Variants in FAM50B observed in about 807,000 individuals in gnomAD.
FAM50B encodes the protein protein FAM50B.
A neutral mutation model predicts 25.4 loss-of-function variants in FAM50B; 9 were observed. The observed-to-expected ratio is 0.35, with a 90% CI of 0.21 to 0.62. The LOEUF is 0.62. Among genes scored for constraint, FAM50B ranks in the 20% least tolerant of loss-of-function variants. The pLI is 0.73. For synonymous variants in FAM50B, 212 were observed against 204.3 expected (o/e 1.04, Z -0.32); for missense variants, 372 against 477.9 (o/e 0.78, Z 2.07).
At chr6:3,838,596 C>A in the FAM50B span, among the ~76,000 whole-genome samples, 1 of 152,058 alleles carries the variant, frequency 6.6e-6, no homozygotes, top group African/African-American at 2.4e-5. Context: ...GTAATCCGAG[C>A]ACTTTGGGAG....
rs1762178306 is a variant in FAM50B at position 3,849,876 on chromosome 6, A to G, written c.65A>G (p.Glu22Gly). 1 of 1,613,608 alleles carries G rather than the reference A, an allele frequency of 6.2e-7. No individual in the cohort carries two copies. The highest frequency in any genetic ancestry group is 8.5e-7 in the Non-Finnish European group (1 of 1,180,002). ...GCCATGCACCTCCTCAAGAAGCGCG[A>G]AAGGCAGCGGGAGCAGATGGAGGTG... is the stretch of plus-strand genomic sequence containing the variant. ...GRAMHLLKKR[E>G]RQREQMEVLK... The change falls in exon 2 of 2, where the codon GAA becomes GGA. Residue 22 changes from glutamate to glycine, a missense_variant. By Grantham distance (98) the Glu-to-Gly change is moderately conservative. Around this residue, in one of 4 missense-constraint regions of FAM50B, gnomAD observed 64 missense variants for 118.3 expected, o/e 0.54. Coordinates refer to ENST00000648326, the MANE Select transcript of FAM50B (RefSeq NM_012135.3).
Position 3,849,892 on chromosome 6 carries a change from G to T in FAM50B, c.81G>T (p.Gln27His), listed in dbSNP as rs772466471. The change falls in exon 2 of 2, where the codon CAG (glutamine) becomes CAT (histidine). Residue 27 changes from glutamine to histidine, a missense_variant. Transcript: ENST00000648326. Reference sequence around the variant, plus strand: ...AGAAGCGCGAAAGGCAGCGGGAGCAGATGGAGGTGCTGAAGCAGCGCATCG... The same window carrying T: ...AGAAGCGCGAAAGGCAGCGGGAGCATATGGAGGTGCTGAAGCAGCGCATCG... ...LLKKRERQRE[Q>H]MEVLKQRIAE... The T allele has an allele frequency of 1.9e-6, 3 of 1,613,690 alleles. No individual in the cohort carries two copies. Among genetic ancestry groups the T allele is most frequent in the Non-Finnish European group, 2.5e-6 (3 of 1,180,010 alleles).
the FAM50B span, among the ~76,000 whole-genome samples, chr6:3,834,885 A>T: frequency 2.0e-4 from 31 of 152,346 alleles, no homozygotes; most frequent in African/African-American, 7.0e-4. Flanking sequence ...TAAAATTAAC[A>T]TATGCATTAA....
upstream of FAM50B, among the ~76,000 whole-genome samples, chr6:3,844,738 T>C (rs1010584242): frequency 2.0e-5 from 3 of 151,946 alleles, no homozygotes; most frequent in Non-Finnish European, 2.9e-5. Flanking sequence ...AAAAAAAAAC[T>C]TAAATGGAAA....
Position 3,850,447 on chromosome 6 carries a change from C to T in FAM50B, c.636C>T (p.Phe212=), listed in dbSNP as rs1276915813. 1 of 1,613,528 alleles carries T rather than the reference C, an allele frequency of 6.2e-7. No homozygotes were observed. Among genetic ancestry groups the T allele is most frequent in the Non-Finnish European group, 8.5e-7 (1 of 1,179,974 alleles). Residue 212 remains phenylalanine, a synonymous_variant, in exon 2 of 2, where the codon TTC becomes TTT. Coordinates refer to ENST00000648326, the MANE Select transcript of FAM50B (RefSeq NM_012135.3). ...RVRKGNTVQQ[F]LKKALQGLRK... The stretch of plus-strand genomic sequence containing the variant: ...GCAAGGGCAACACGGTGCAGCAGTT[C>T]CTGAAGAAGGCGCTGCAGGGGCTGC...
chr6:3,834,349 T>C, the FAM50B span, among the ~76,000 whole-genome samples: 1 of 78,328 alleles, frequency 1.3e-5, no homozygotes, highest in South Asian at 3.8e-4. Flanking sequence ...ATACAAAAAC[T>C]GATATATGGC....
upstream of FAM50B, among the ~76,000 whole-genome samples, chr6:3,849,024 G>C (rs113139286): frequency 4.4e-3 from 663 of 152,340 alleles, 1 homozygote; most frequent in Non-Finnish European, 8.1e-3. Context: ...TCTCTGGGTG[G>C]CCACAGCAGC....
chr6:3,845,793 C>A (rs951399514), upstream of FAM50B, among the ~76,000 whole-genome samples: 3 of 152,206 alleles, frequency 2.0e-5, no homozygotes, highest in Non-Finnish European at 4.4e-5. Context: ...TGGCTCACTG[C>A]AACCTCCATC....
the FAM50B span, among the ~76,000 whole-genome samples, chr6:3,837,535 C>T: frequency 6.6e-6 from 1 of 152,144 alleles, no homozygotes; most frequent in African/African-American, 2.4e-5. Context: ...CACTACGTAC[C>T]TATTAAGTAG....
In FAM50B at chr6:3,850,329, G is replaced by A; in HGVS notation, c.518G>A (p.Trp173Ter). 6.2e-7 allele frequency: 1 copy of A among 1,613,288 alleles called. No individual in the cohort carries two copies. ...NRLREELRQE[W>*]EAQREKVKDE... ...CTCCGAGAGGAGCTGCGCCAAGAGT[G>A]GGAGGCGCAGCGCGAGAAAGTGAAG... Residue 173 changes from tryptophan (W) to a stop codon, truncating the protein, a stop_gained, in exon 2 of 2, where the codon TGG (tryptophan) becomes TAG (stop). Transcript: ENST00000648326. LOFTEE classifies it high-confidence loss of function.
the FAM50B span, among the ~76,000 whole-genome samples, chr6:3,838,280 C>T: frequency 2.0e-5 from 3 of 151,996 alleles, no homozygotes; most frequent in East Asian, 1.9e-4. Context: ...CACTGCACTC[C>T]AGCCTGGGCA....
chr6:3,849,160 C>G (rs1426346469), upstream of FAM50B, among the ~76,000 whole-genome samples: 1 of 152,248 alleles, frequency 6.6e-6, no homozygotes, highest in East Asian at 1.9e-4. Flanking sequence ...CCAGCCACGG[C>G]TGGGCAGGGC....
chr6:3,842,153 A>G, the FAM50B span, among the ~76,000 whole-genome samples: 1 of 152,254 alleles, frequency 6.6e-6, no homozygotes, highest in African/African-American at 2.4e-5. Flanking sequence ...AAGGAAGAAG[A>G]GCACAGAGGT....
At chr6:3,833,815 G>A in the FAM50B span, 1 of 152,106 alleles carries the variant, frequency 6.6e-6, no homozygotes, top group Non-Finnish European at 1.5e-5. Context: ...GAACTGTTGA[G>A]TCAAGTCACA....
At chr6:3,837,571 A>G in the FAM50B span, among the ~76,000 whole-genome samples, 1 of 152,152 alleles carries the variant, frequency 6.6e-6, no homozygotes, top group Non-Finnish European at 1.5e-5. Context: ...AAAAAAATGC[A>G]TAATATCCAG....
chr6:3,837,970 T>C, the FAM50B span, among the ~76,000 whole-genome samples: 1 of 152,162 alleles, frequency 6.6e-6, no homozygotes, highest in Admixed American at 6.5e-5. Flanking sequence ...CACGTGAACT[T>C]TTAGAGGACT....
Position 3,850,772 on chromosome 6 carries a change from A to G in FAM50B, c.961A>G (p.Lys321Glu), listed in dbSNP as rs746157049. 4.3e-5 allele frequency: 69 copies of G among 1,613,600 alleles called. No homozygotes were observed. Among genetic ancestry groups the G allele is most frequent in the Admixed American group, 1.3e-4 (8 of 59,978 alleles). Residue 321 changes from lysine (K) to glutamate (E), a missense_variant, in exon 2 of 2, where the codon AAG becomes GAG. Coordinates refer to ENST00000648326, the MANE Select transcript of FAM50B (RefSeq NM_012135.3). Reference protein sequence around the residue: ...EAYDPEKKWDKYTIR With the variant: ...EAYDPEKKWDEYTIR ...CTATGACCCCGAGAAGAAGTGGGAC[A>G]AGTACACCATCCGCTAACACCCGCC...
chr6:3,840,137 C>T, the FAM50B span, among the ~76,000 whole-genome samples: 1 of 152,082 alleles, frequency 6.6e-6, no homozygotes, highest in African/African-American at 2.4e-5. Flanking sequence ...GGACTACAGG[C>T]GCACACCACC....
chr6:3,850,958 GCTTGGTTGGTCTTT>G lies in FAM50B; in HGVS notation c.*170_*183del. The stretch of plus-strand genomic sequence containing the variant: ...CTATTGCTGATGTTATGCTTTGGTT[GCTTGGTTGGTCTTT>G]TCTGAGTATTTTAGTGTTGCCACCT... On this transcript the variant is annotated 3_prime_UTR_variant, in exon 2 of 2. Transcript: ENST00000648326. 1 of 1,163,414 alleles carries G rather than the reference GCTTGGTTGGTCTTT, an allele frequency of 8.6e-7. No homozygotes were observed. Among genetic ancestry groups the G allele is most frequent in the Non-Finnish European group, 1.2e-6 (1 of 838,852 alleles). The allele number at this position is 1,163,414 out of a possible 1,614,324, so 72.1% of individuals were successfully genotyped here.
Sources: allele counts gnomAD v4.1 joint callset (sites outside exome capture counted in the v4.1 genomes callset), GRCh38; gene constraint gnomAD v4.1.1; regional missense constraint gnomAD v4.1.1; transcripts MANE v1.5; gene names NCBI Gene and HGNC (gene_info 2026-07-23, HGNC 2026-07-21).